KCNQ5: variants seen among roughly 807,000 people sequenced by gnomAD.
KCNQ5 encodes the protein potassium voltage-gated channel subfamily Q member 5.
In KCNQ5, 30 loss-of-function variants were observed where a neutral mutation model predicts 98.2. That is an observed-to-expected ratio of 0.31 (90% CI 0.23 to 0.41). KCNQ5 has a LOEUF of 0.41. Among genes scored for constraint, KCNQ5 ranks in the 10% least tolerant of loss-of-function variants. The pLI is 1.00. For synonymous variants in KCNQ5, 458 were observed against 449.4 expected (o/e 1.02, Z -0.24); for missense variants, 835 against 1,182.5 (o/e 0.71, Z 4.31).
chr6:73,192,030 T>C (rs778530018), intron 12 of KCNQ5, among the ~76,000 whole-genome samples: 56 of 152,184 alleles, frequency 3.7e-4, no homozygotes, highest in Non-Finnish European at 6.6e-4. Context: ...TCTAAGTTCT[T>C]TAATAAAACT....
chr6:73,042,751 A>G (rs1323950184), intron 3 of KCNQ5, among the ~76,000 whole-genome samples: 1 of 152,162 alleles, frequency 6.6e-6, no homozygotes, highest in Non-Finnish European at 1.5e-5. Context: ...TCTAGCTTGA[A>G]ATTGTACTTC....
intron 1 of KCNQ5, among the ~76,000 whole-genome samples, chr6:72,893,244 C>T (rs1320267254): frequency 6.6e-6 from 1 of 152,284 alleles, no homozygotes; most frequent in Non-Finnish European, 1.5e-5. Context: ...GGAGACTTCT[C>T]TGTCCCAGGC....
At chr6:72,869,282 C>T (rs534490737) in intron 1 of KCNQ5, among the ~76,000 whole-genome samples, 3 of 152,220 alleles carry the variant, frequency 2.0e-5, no homozygotes, top group South Asian at 2.1e-4. Flanking sequence ...GTTGTCAAAC[C>T]GGAATTCCTT....
intron 1 of KCNQ5, among the ~76,000 whole-genome samples, chr6:72,672,254 C>T (rs112943727): frequency 0.013 from 2,023 of 151,856 alleles, 31 homozygotes; most frequent in African/African-American, 0.042. Flanking sequence ...TCCAGGACCA[C>T]GCCTGGCTAA....
chr6:73,124,393 T>C, intron 8 of KCNQ5, 93 bp from the exon 9 acceptor site: 1 of 1,116,592 alleles, frequency 9.0e-7, no homozygotes, highest in African/African-American at 1.5e-5. Flanking sequence ...TTAAGGTATT[T>C]GATTCCCCAA....
At chr6:73,179,580 G>A (rs1451817333) in intron 11 of KCNQ5, among the ~76,000 whole-genome samples, 2 of 152,160 alleles carry the variant, frequency 1.3e-5, no homozygotes, top group East Asian at 3.8e-4. Flanking sequence ...ATGCATGTCG[G>A]TAGTGTAAAT....
intron 1 of KCNQ5, chr6:72,987,612 GCAGAAC>G: frequency 1.7e-6 from 1 of 591,566 alleles, no homozygotes; most frequent in Non-Finnish European, 3.1e-6. Context: ...AGAACCTGCA[GCAGAAC>G]CTGCAGCAGG....
intron 1 of KCNQ5, among the ~76,000 whole-genome samples, chr6:72,962,994 G>T (rs1247260010): frequency 6.6e-6 from 1 of 152,050 alleles, no homozygotes; most frequent in Non-Finnish European, 1.5e-5. Context: ...GGAAAAAAAT[G>T]GTTTAATCCT....
chr6:72,627,208 A>G (rs944337771), intron 1 of KCNQ5, among the ~76,000 whole-genome samples: 2 of 152,244 alleles, frequency 1.3e-5, no homozygotes, highest in African/African-American at 4.8e-5. Flanking sequence ...GTAACCAGAT[A>G]TTTAGCTTTG....
At chr6:72,924,118 T>C (rs1780522194) in intron 1 of KCNQ5, among the ~76,000 whole-genome samples, 1 of 152,222 alleles carries the variant, frequency 6.6e-6, no homozygotes, top group Non-Finnish European at 1.5e-5. Context: ...TTCTAAAGAA[T>C]ATTAATGTCA....
At chr6:72,818,668 A>T (rs1334039128) in intron 1 of KCNQ5, among the ~76,000 whole-genome samples, 1 of 151,506 alleles carries the variant, frequency 6.6e-6, no homozygotes, top group African/African-American at 2.4e-5. Context: ...CCTTGTGTTA[A>T]CAATTATTTT....
intron 1 of KCNQ5, among the ~76,000 whole-genome samples, chr6:72,771,583 A>G (rs1772883990): frequency 1.3e-5 from 2 of 152,024 alleles, no homozygotes. Context: ...CTCTTCCCAC[A>G]CACACAATAA....
At chr6:72,935,782 C>T (rs1268753956) in intron 1 of KCNQ5, among the ~76,000 whole-genome samples, 1 of 152,156 alleles carries the variant, frequency 6.6e-6, no homozygotes, top group African/African-American at 2.4e-5. Context: ...TTCAATGAAA[C>T]GGTTTTTGCC....
At chr6:72,925,931 A>C (rs930827315) in intron 1 of KCNQ5, among the ~76,000 whole-genome samples, 2 of 152,264 alleles carry the variant, frequency 1.3e-5, no homozygotes, top group Non-Finnish European at 2.9e-5. Context: ...GAGAAGCTAC[A>C]GAAGAGTTTT....
intron 2 of KCNQ5, among the ~76,000 whole-genome samples, chr6:73,030,834 G>GT (rs1771113057): frequency 1.3e-5 from 2 of 152,152 alleles, no homozygotes; most frequent in Admixed American, 6.5e-5. Context: ...GATCCCAAAG[G>GT]TTTCCATTTC....
intron 1 of KCNQ5, among the ~76,000 whole-genome samples, chr6:72,663,772 A>G (rs1383733405): frequency 6.6e-6 from 1 of 152,118 alleles, no homozygotes; most frequent in Non-Finnish European, 1.5e-5. Context: ...TTCTTTTTCA[A>G]ATTTTATGGT....
chr6:73,029,302 G>C (rs1771029668), intron 2 of KCNQ5, among the ~76,000 whole-genome samples: 1 of 152,120 alleles, frequency 6.6e-6, no homozygotes, highest in Admixed American at 6.5e-5. Context: ...TAACACAACA[G>C]AGAAACGGAT....
At chr6:72,856,445 TACACAC>T (rs759343724) in intron 1 of KCNQ5, among the ~76,000 whole-genome samples, 2 of 129,832 alleles carry the variant, frequency 1.5e-5, no homozygotes, top group African/African-American at 2.7e-5. Context: ...TATGTATACA[TACACAC>T]ACACACACAC....
At chr6:73,101,060 AAAG>A (rs1458030434) in intron 5 of KCNQ5, among the ~76,000 whole-genome samples, 2 of 152,202 alleles carry the variant, frequency 1.3e-5, no homozygotes, top group South Asian at 2.1e-4. Context: ...CCAAACAATG[AAAG>A]AAGAACTAAT....
Sources: gnomAD v4.1 joint callset for allele counts (sites outside exome capture counted in the v4.1 genomes callset) on GRCh38, gnomAD v4.1.1 for gene constraint, MANE v1.5 for transcripts, NCBI Gene and HGNC (gene_info 2026-07-23, HGNC 2026-07-21) for gene names.